Variants in ULK4 observed in about 807,000 individuals in gnomAD.
ULK4 encodes the protein unc-51 like kinase 4.
In ULK4, 133 loss-of-function variants were observed where a neutral mutation model predicts 160.6. The observed-to-expected ratio is 0.83, with a 90% CI of 0.72 to 0.96. The LOEUF is 0.96. Ranked by LOEUF, ULK4 falls within the 40% of genes least tolerant of loss-of-function variation. ULK4 has a pLI of 0.00. For missense variants in ULK4, 1,580 were observed against 1,499.5 expected, an observed-to-expected ratio of 1.05 and a Z score of -0.89; for synonymous variants, 534 against 539.8, an observed-to-expected ratio of 0.99 and a Z score of 0.15.
intron 21 of ULK4, among the ~76,000 whole-genome samples, chr3:41,787,946 A>AAC (rs199999061): frequency 1.1e-4 from 16 of 152,046 alleles, no homozygotes; most frequent in South Asian, 4.2e-4. Context: ...CTGAAGGTAA[A>AAC]ACACACACAC....
chr3:41,721,020 C>G (rs1405604840), intron 22 of ULK4, among the ~76,000 whole-genome samples: 1 of 151,718 alleles, frequency 6.6e-6, no homozygotes, highest in African/African-American at 2.4e-5. Context: ...ATGCGGCTGT[C>G]AAAAAGAAGC....
At chr3:41,545,979 T>C (rs1440808738) in intron 32 of ULK4, among the ~76,000 whole-genome samples, 5 of 152,212 alleles carry the variant, frequency 3.3e-5, no homozygotes, top group Non-Finnish European at 1.5e-5. Flanking sequence ...TGAGATTTTC[T>C]ACCTCATCTC....
At chr3:41,645,047 T>C (rs1398833424) in intron 30 of ULK4, among the ~76,000 whole-genome samples, 3 of 151,838 alleles carry the variant, frequency 2.0e-5, no homozygotes, top group African/African-American at 7.3e-5. Flanking sequence ...ATATCCCCTT[T>C]ATCATTTTTT....
intron 17 of ULK4, among the ~76,000 whole-genome samples, chr3:41,851,224 G>A (rs1193837549): frequency 5.3e-5 from 8 of 152,052 alleles, no homozygotes; most frequent in Middle Eastern, 3.4e-3. Flanking sequence ...TGTCATAGAT[G>A]GCTCTTATTA....
intron 31 of ULK4, among the ~76,000 whole-genome samples, chr3:41,587,216 C>T (rs549394778): frequency 1.3e-5 from 2 of 152,334 alleles, no homozygotes; most frequent in South Asian, 4.1e-4. Context: ...CAGGTCCTTG[C>T]TCCCTGGACC....
intron 27 of ULK4, among the ~76,000 whole-genome samples, chr3:41,689,136 T>G (rs1296015939): frequency 6.6e-6 from 1 of 152,184 alleles, no homozygotes; most frequent in Non-Finnish European, 1.5e-5. Flanking sequence ...ACACCTGAAG[T>G]CTTCCTTCTC....
At position 41,306,008 on chromosome 3, in the gene ULK4, G is replaced by A. The variant is rs1013683818; in HGVS notation, c.3679-56434C>T. Among the ~76,000 whole-genome samples, 31 of 150,132 alleles carry A rather than the reference G, an allele frequency of 2.1e-4. 1 individual carries two copies. The highest frequency in any genetic ancestry group is 7.4e-4 in the African/African-American group (30 of 40,540). On this transcript the variant is annotated intron_variant, in intron 35 of 36. Coordinates refer to ENST00000301831, the MANE Select transcript of ULK4 (RefSeq NM_017886.4). ...GCAACCGCCCCGTCTGAGAAGTAAG[G>A]AGCCCCTCCGCCTGGCAGTCGCCCC...
At chr3:41,293,663 A>C (rs1389840598) in intron 35 of ULK4, among the ~76,000 whole-genome samples, 1 of 152,076 alleles carries the variant, frequency 6.6e-6, no homozygotes, top group Non-Finnish European at 1.5e-5. Flanking sequence ...AAACCAAACT[A>C]TTTTTGCCTT....
chr3:41,516,984 A>AC (rs2085771127), intron 32 of ULK4, among the ~76,000 whole-genome samples: 2 of 152,168 alleles, frequency 1.3e-5, no homozygotes, highest in Non-Finnish European at 2.9e-5. Flanking sequence ...TTTTTAAAGG[A>AC]CCTGTATCCA....
intron 35 of ULK4, among the ~76,000 whole-genome samples, chr3:41,374,196 T>G (rs1337127007): frequency 6.6e-6 from 1 of 152,194 alleles, no homozygotes; most frequent in Non-Finnish European, 1.5e-5. Context: ...ACAGCTGAAT[T>G]CTACCAGAGG....
At chr3:41,772,877 C>G (rs954868117) in intron 21 of ULK4, among the ~76,000 whole-genome samples, 1 of 152,190 alleles carries the variant, frequency 6.6e-6, no homozygotes, top group African/African-American at 2.4e-5. Flanking sequence ...CCACCATGAT[C>G]AAGTGGGCTT....
At chr3:41,347,308 G>A (rs2080820212) in intron 35 of ULK4, among the ~76,000 whole-genome samples, 1 of 151,830 alleles carries the variant, frequency 6.6e-6, no homozygotes, top group African/African-American at 2.4e-5. Flanking sequence ...TTCATTTTTG[G>A]AAAAAAATCA....
At chr3:41,414,422 T>C (rs1192612856) in intron 34 of ULK4, among the ~76,000 whole-genome samples, 1 of 152,156 alleles carries the variant, frequency 6.6e-6, no homozygotes, top group Non-Finnish European at 1.5e-5. Flanking sequence ...AAAATCACAG[T>C]TGTGTTGTAT....
chr3:41,688,386 C>A (rs2036169122), intron 27 of ULK4, among the ~76,000 whole-genome samples: 1 of 152,092 alleles, frequency 6.6e-6, no homozygotes, highest in Non-Finnish European at 1.5e-5. Context: ...GAACCCCCAT[C>A]CCTAAAAAAT....
intron 31 of ULK4, among the ~76,000 whole-genome samples, chr3:41,608,961 C>T (rs2032521234): frequency 1.3e-5 from 2 of 152,158 alleles, no homozygotes; most frequent in South Asian, 2.1e-4. Flanking sequence ...ACTAGACTGT[C>T]CTTTAGAGAG....
At position 41,772,321 on chromosome 3, in the gene ULK4, A is replaced by G. The variant is rs1313561282; in HGVS notation, c.2193+17340T>C. On this transcript the variant is annotated intron_variant, in intron 21 of 36. Transcript: ENST00000301831. ...AGATCAACAAAATTGATAGACTGCT[A>G]GCAAGACTAATAAAGAAGAAAAGAG... Among the ~76,000 whole-genome samples the G allele has an allele frequency of 1.4e-3, 213 of 152,324 alleles. 1 individual carries two copies. Among genetic ancestry groups the G allele is most frequent in the Middle Eastern group, 6.8e-3 (2 of 292 alleles).
At chr3:41,569,880 TG>T (rs1175259343) in intron 31 of ULK4, among the ~76,000 whole-genome samples, 6 of 152,116 alleles carry the variant, frequency 3.9e-5, no homozygotes, top group African/African-American at 1.4e-4. Flanking sequence ...CCCGCCTGCT[TG>T]GAAAATGACA....
intron 22 of ULK4, among the ~76,000 whole-genome samples, chr3:41,721,333 A>AATATATATATATATAT (rs71075483): frequency 7.4e-5 from 2 of 26,952 alleles, no homozygotes; most frequent in African/African-American, 1.7e-4. Flanking sequence ...TTTTAATGTA[A>AATATATATATATATAT]ATATATATAT....
chr3:41,399,964 T>C (rs556675897), intron 34 of ULK4, among the ~76,000 whole-genome samples: 1 of 152,320 alleles, frequency 6.6e-6, no homozygotes, highest in African/African-American at 2.4e-5. Flanking sequence ...AGGTCTTCGA[T>C]GCATTTTGAG....
Sources: gnomAD v4.1 joint callset for allele counts (sites outside exome capture counted in the v4.1 genomes callset) on GRCh38, gnomAD v4.1.1 for gene constraint, MANE v1.5 for transcripts, NCBI Gene and HGNC (gene_info 2026-07-23, HGNC 2026-07-21) for gene names.